The following STK32C variants were observed in gnomAD, a reference collection of about 807,000 sequenced individuals.
STK32C encodes the protein serine/threonine kinase 32C.
STK32C carries 31 observed loss-of-function variants against 56.5 expected under a neutral mutation model. The observed-to-expected ratio is 0.55, with a 90% CI of 0.41 to 0.74. The LOEUF is 0.74. Among genes scored for constraint, STK32C ranks in the 30% least tolerant of loss-of-function variants. STK32C has a pLI of 0.00. For synonymous variants in STK32C, 309 were observed against 289.4 expected (o/e 1.07, Z -0.69); for missense variants, 544 against 676.9 (o/e 0.80, Z 2.18).
intron 2 of STK32C, among the ~76,000 whole-genome samples, chr10:132,244,338 G>A (rs1252902175): frequency 6.6e-6 from 1 of 152,190 alleles, no homozygotes; most frequent in Non-Finnish European, 1.5e-5. Context: ...GCGTTTCCGA[G>A]CCTCTTAAGG....
intron 1 of STK32C, among the ~76,000 whole-genome samples, chr10:132,276,878 C>A (rs2065011838): frequency 6.6e-6 from 1 of 152,224 alleles, no homozygotes. Context: ...CAGATGCAGG[C>A]TATGGCTCCC....
At chr10:132,235,493 TTAA>T (rs2063250640) in intron 2 of STK32C, among the ~76,000 whole-genome samples, 10 of 72,410 alleles carry the variant, frequency 1.4e-4, no homozygotes, top group East Asian at 4.2e-4. Flanking sequence ...AGACTCAGCC[TTAA>T]AAAAAAAAAA....
At chr10:132,223,541 G>A (rs530696049) in intron 8 of STK32C, among the ~76,000 whole-genome samples, 17 of 152,338 alleles carry the variant, frequency 1.1e-4, no homozygotes, top group South Asian at 6.2e-4. Flanking sequence ...CAGTCCCCAC[G>A]CAGGCCCTCT....
At chr10:132,223,963 G>T (rs536564059) in intron 8 of STK32C, among the ~76,000 whole-genome samples, 1 of 152,326 alleles carries the variant, frequency 6.6e-6, no homozygotes, top group African/African-American at 2.4e-5. Context: ...AGAGGTGTTT[G>T]CAGTGGGCAG....
rs371670708 is a variant in STK32C, at chr10:132,242,336, G to A, written c.318+3564C>T. On this transcript the variant is annotated intron_variant, in intron 2 of 11. Transcript: ENST00000298630. ...GGGGAGTGCAGCAGGAGGACGGAAGGGCACGGGTGGTGAAGGGGCTCCGAC... is the reference window on the plus strand; with the variant it reads ...GGGGAGTGCAGCAGGAGGACGGAAGAGCACGGGTGGTGAAGGGGCTCCGAC... Among the ~76,000 whole-genome samples, 3 of 152,236 alleles carry A rather than the reference G, an allele frequency of 2.0e-5. No individual in the cohort carries two copies. The East Asian group carries it at 5.8e-4, about 29-fold the overall frequency.
At position 132,255,301 on chromosome 10, in the gene STK32C, T is replaced by C. The variant is rs955703359; in HGVS notation, c.263-9346A>G. ...GGAAATACCGGGCCAGGTGGAAGAG[T>C]TGGAACCGGCCCGATAGCTCCTCCT... On this transcript the variant is annotated intron_variant, in intron 1 of 11. Coordinates refer to ENST00000298630, the MANE Select transcript of STK32C (RefSeq NM_173575.4). The surrounding 1 kb of genome is among the most constrained non-coding windows in gnomAD (Gnocchi z 4.6). Among the ~76,000 whole-genome samples, 1 of 151,202 alleles carries C rather than the reference T, an allele frequency of 6.6e-6. No homozygotes were observed. Among genetic ancestry groups the C allele is most frequent in the Non-Finnish European group, 1.5e-5 (1 of 67,850 alleles).
intron 1 of STK32C, among the ~76,000 whole-genome samples, chr10:132,297,480 C>T (rs141349882): frequency 1.3e-5 from 2 of 152,202 alleles, no homozygotes; most frequent in South Asian, 4.1e-4. Flanking sequence ...GGCTGGGGTC[C>T]CAGGGTCCAA....
chr10:132,227,898 A>G (rs1218122132), intron 3 of STK32C, 79 bp downstream of exon 3: 1 of 1,546,704 alleles, frequency 6.5e-7, no homozygotes, highest in Non-Finnish European at 8.7e-7. Flanking sequence ...AAGGAGCACC[A>G]AGGGCAGGAG....
chr10:132,225,568 C>T lies in STK32C; in HGVS notation c.731G>A (p.Gly244Glu). 6.2e-7 allele frequency: 1 copy of T among 1,613,902 alleles called. No individual in the cohort carries two copies. The highest frequency in any genetic ancestry group is 8.5e-7 in the Non-Finnish European group (1 of 1,179,984). Residue 244 changes from glycine to glutamate, a missense_variant, in exon 6 of 12, where the codon GGG (glycine) becomes GAG (glutamate). Physicochemically the swap from Gly to Glu is moderately conservative, Grantham distance 98. This residue lies in a region of STK32C where 85 missense variants were observed against 149.9 expected (regional missense o/e 0.57). Transcript: ENST00000298630. ...GCCTGCTAATGCCGTCGCCCGCTCC[C>T]CGTCCTTGATGATGGTGGCAATGTT... Reference protein sequence around the residue: ...DFNIATIIKDGERATALAGTK... With the variant: ...DFNIATIIKDEERATALAGTK...
chr10:132,322,044 G>A (rs886309993), downstream of STK32C, among the ~76,000 whole-genome samples: 1 of 152,148 alleles, frequency 6.6e-6, no homozygotes, highest in Non-Finnish European at 1.5e-5. Flanking sequence ...AGCGGGTTCC[G>A]TGGGCTTCAC....
chr10:132,275,151 C>T (rs2064957924), intron 1 of STK32C, among the ~76,000 whole-genome samples: 1 of 152,200 alleles, frequency 6.6e-6, no homozygotes, highest in Non-Finnish European at 1.5e-5. Context: ...CCCATCAGCC[C>T]GTCTGGCCTC....
chr10:132,227,873 C>T (rs1159264379), intron 3 of STK32C, 104 bp downstream of exon 3: 11 of 1,436,656 alleles, frequency 7.7e-6, no homozygotes, highest in Admixed American at 4.0e-5. Context: ...GAGGCATCTC[C>T]GAGGCACGAG....
intron 1 of STK32C, among the ~76,000 whole-genome samples, chr10:132,275,903 G>A (rs1346929497): frequency 1.3e-5 from 2 of 152,130 alleles, no homozygotes; most frequent in Non-Finnish European, 2.9e-5. Context: ...GCAGGAGACT[G>A]TACAGGAAAA....
intron 1 of STK32C, among the ~76,000 whole-genome samples, chr10:132,306,379 T>C (rs917361977): frequency 2.0e-5 from 3 of 152,256 alleles, no homozygotes; most frequent in African/African-American, 7.2e-5. Context: ...ACATTCACCA[T>C]CGTGAGTTCT....
rs1565056505 is a variant in STK32C, at chr10:132,209,078, G to A, written c.1275C>T (p.Cys425=). The part of the protein sequence containing the change: ...SQSENDYLQD[C]LDAIQQDFVI... ...CGAAGTCTTGCTGGATGGCATCGAG[G>A]CAGTCTTGAAGATAGTCATTCTCCT... The change falls in exon 11 of 12, where the codon TGC becomes TGT. Residue 425 remains cysteine (C), a synonymous_variant. Transcript: ENST00000298630. 1.2e-6 allele frequency: 2 copies of A among 1,613,886 alleles called. No homozygotes were observed. The highest frequency in any genetic ancestry group is 8.5e-7 in the Non-Finnish European group (1 of 1,180,000).
intron 10 of STK32C, among the ~76,000 whole-genome samples, chr10:132,219,789 C>T (rs1387580810): frequency 6.6e-6 from 1 of 152,168 alleles, no homozygotes; most frequent in African/African-American, 2.4e-5. Flanking sequence ...ATGACCCCAC[C>T]CCTGCCCCCC....
In STK32C at chr10:132,207,839, C is replaced by T. The variant is rs917254947; in HGVS notation, c.*171G>A. On this transcript the variant is annotated 3_prime_UTR_variant, in exon 12 of 12. Transcript: ENST00000298630. ...CAGGTGTCCCCTGCACCCACAGCCT[C>T]TTGTCCCCTGCACCACCACGAGCCT... 51 of 810,694 alleles carry T rather than the reference C, an allele frequency of 6.3e-5. No individual in the cohort carries two copies. The African/African-American group carries it at 8.2e-4, about 13-fold the overall frequency. The allele number at this position is 810,694 out of a possible 1,614,324, so 50.2% of individuals were successfully genotyped here.
chr10:132,304,078 G>A (rs186966870), intron 1 of STK32C, among the ~76,000 whole-genome samples: 3 of 152,316 alleles, frequency 2.0e-5, no homozygotes, highest in South Asian at 2.1e-4. Flanking sequence ...GAGCAATGTC[G>A]TTCCTAAAAA....
chr10:132,309,526 G>C (rs557677128), upstream of STK32C, among the ~76,000 whole-genome samples: 209 of 152,324 alleles, frequency 1.4e-3, no homozygotes, highest in African/African-American at 4.8e-3. Flanking sequence ...CAAACGCATC[G>C]GTCTCTAACT....
Sources: allele counts gnomAD v4.1 joint callset (sites outside exome capture counted in the v4.1 genomes callset), GRCh38; gene constraint gnomAD v4.1.1; regional missense constraint gnomAD v4.1.1; non-coding constraint Gnocchi (gnomAD v3.1); transcripts MANE v1.5; gene names NCBI Gene and HGNC (gene_info 2026-07-23, HGNC 2026-07-21).